The following TBC1D32 variants were observed in gnomAD, a reference collection of about 807,000 sequenced individuals.
The protein encoded by TBC1D32 is protein broad-minded.
TBC1D32 carries 151 observed loss-of-function variants against 170.3 expected under a neutral mutation model. That is an observed-to-expected ratio of 0.89 (90% CI 0.78 to 1.01). TBC1D32 has a LOEUF of 1.01. Ranked by LOEUF, TBC1D32 falls within the 50% of genes least tolerant of loss-of-function variation. The pLI, the probability that TBC1D32 is intolerant of heterozygous loss-of-function variation, is 0.00. For missense variants in TBC1D32, 1,464 were observed against 1,457.1 expected, an observed-to-expected ratio of 1.00 and a Z score of -0.08; for synonymous variants, 498 against 488.0, an observed-to-expected ratio of 1.02 and a Z score of -0.27.
intron 22 of TBC1D32, among the ~76,000 whole-genome samples, chr6:121,203,508 C>G (rs115432481): frequency 0.011 from 1,600 of 151,328 alleles, 120 homozygotes; most frequent in African/African-American, 0.038. Flanking sequence ...CAGCATAGAT[C>G]AAGTAGATAT....
chr6:121,302,697 T>C (rs186942909), intron 9 of TBC1D32, among the ~76,000 whole-genome samples: 6 of 152,240 alleles, frequency 3.9e-5, no homozygotes, highest in Admixed American at 3.3e-4. Context: ...CAAATAATGA[T>C]ATAATTTGAT....
At chr6:121,246,264 C>T (rs1438703344) in intron 17 of TBC1D32, among the ~76,000 whole-genome samples, 1 of 152,004 alleles carries the variant, frequency 6.6e-6, no homozygotes. Context: ...AGACAGTGCA[C>T]AAAGATTCTC....
chr6:121,231,907 A>C (rs1442167776), intron 20 of TBC1D32, among the ~76,000 whole-genome samples: 9 of 152,170 alleles, frequency 5.9e-5, no homozygotes, highest in Non-Finnish European at 1.2e-4. Context: ...TGCTGGGCAG[A>C]AGCTTTTTAA....
chr6:121,160,679 T>C (rs565358563), intron 23 of TBC1D32, among the ~76,000 whole-genome samples: 41 of 152,134 alleles, frequency 2.7e-4, no homozygotes, highest in Non-Finnish European at 4.7e-4. Context: ...CAAAGGCGCA[T>C]AAGAAAAATA....
intron 5 of TBC1D32, 62 bp from the exon 6 acceptor site, chr6:121,304,895 C>T (rs1291322929): frequency 5.6e-6 from 6 of 1,070,518 alleles, no homozygotes; most frequent in East Asian, 4.8e-5. Flanking sequence ...AGAGATGAAA[C>T]ATTTTTCACA....
At chr6:121,295,289 CAAAAAAAA>C (rs60783883) in intron 10 of TBC1D32, among the ~76,000 whole-genome samples, 2 of 108,578 alleles carry the variant, frequency 1.8e-5, no homozygotes, top group African/African-American at 3.7e-5. Context: ...ATCCTAATTC[CAAAAAAAA>C]AAAAAAAAAA....
At chr6:121,159,597 G>C (rs1785350727) in intron 24 of TBC1D32, among the ~76,000 whole-genome samples, 1 of 152,076 alleles carries the variant, frequency 6.6e-6, no homozygotes. Context: ...CACAAACCTA[G>C]AGGGTATAGT....
At position 121,091,055 on chromosome 6, in the gene TBC1D32, A is replaced by T; in HGVS notation, c.3466-14T>A. The T allele has an allele frequency of 6.4e-7, 1 of 1,571,890 alleles. No homozygotes were observed. Among genetic ancestry groups the T allele is most frequent in the Non-Finnish European group, 8.6e-7 (1 of 1,167,330 alleles). On this transcript the variant is annotated splice_polypyrimidine_tract_variant and intron_variant, in intron 30 of 31. Coordinates refer to ENST00000398212, the MANE Select transcript of TBC1D32 (RefSeq NM_152730.6). ...TTGCAGGCAAATCTTTAAAAAAAAA[A>T]AGTAGTAAGTTCATTAAAAAATTTA...
At position 121,151,330 on chromosome 6, in the gene TBC1D32, C is replaced by T. The variant is rs1323167372; in HGVS notation, c.2773+8680G>A. On this transcript the variant is annotated intron_variant, in intron 24 of 31. Transcript: ENST00000398212. ...GCGGTTTTGAGTGAATTTCTTAATC[C>T]TGAGTTCTAATTTGATTGCACTGTG... 2.0e-5 allele frequency among the ~76,000 whole-genome samples: 3 copies of T among 152,138 alleles called. No homozygotes were observed. In the South Asian group the frequency reaches 6.2e-4, roughly 32 times the overall value.
At chr6:121,300,262 A>T (rs771720758) in intron 9 of TBC1D32, among the ~76,000 whole-genome samples, 4 of 152,066 alleles carry the variant, frequency 2.6e-5, no homozygotes, top group Admixed American at 1.3e-4. Flanking sequence ...GAAATGGCCA[A>T]TATGGTGAAA....
intron 17 of TBC1D32, 43 bp downstream of exon 17, chr6:121,255,285 C>T (rs1446783965): frequency 1.7e-6 from 2 of 1,192,342 alleles, no homozygotes; most frequent in South Asian, 1.6e-5. Context: ...AAATTTATTT[C>T]AGCAAATATA....
chr6:121,193,963 T>C (rs1360985199), intron 22 of TBC1D32, among the ~76,000 whole-genome samples: 9 of 152,140 alleles, frequency 5.9e-5, no homozygotes, highest in African/African-American at 2.2e-4. Flanking sequence ...TCTCCCATCC[T>C]TCCCTAAAGA....
chr6:121,106,115 A>T lies in TBC1D32; in HGVS notation c.3373T>A (p.Phe1125Ile). Reference sequence around the variant, plus strand: ...ATTTCAATATAATGGGTGCTGCAAAAATATACTGGATGGATGCCAGATTCT... The same window carrying T: ...ATTTCAATATAATGGGTGCTGCAAATATATACTGGATGGATGCCAGATTCT... ...TVESGIHPVY[F>I]CSTHYIEMLL... The change falls in exon 30 of 32, where the codon TTT (phenylalanine) becomes ATT (isoleucine). Residue 1125 changes from phenylalanine (F) to isoleucine (I), a missense_variant. Phe to Ile is a conservative substitution (Grantham distance 21). Coordinates refer to ENST00000398212, the MANE Select transcript of TBC1D32 (RefSeq NM_152730.6). The T allele has an allele frequency of 6.2e-7, 1 of 1,603,464 alleles. No individual in the cohort carries two copies. The highest frequency in any genetic ancestry group is 8.5e-7 in the Non-Finnish European group (1 of 1,172,888).
At chr6:121,154,168 G>A (rs1784567585) in intron 24 of TBC1D32, among the ~76,000 whole-genome samples, 1 of 152,158 alleles carries the variant, frequency 6.6e-6, no homozygotes, top group Non-Finnish European at 1.5e-5. Flanking sequence ...GAAGATGGTG[G>A]GAAAAGCGTA....
At chr6:121,085,258 C>CATATAT (rs1776087998) in intron 31 of TBC1D32, among the ~76,000 whole-genome samples, 1 of 145,494 alleles carries the variant, frequency 6.9e-6, no homozygotes, top group African/African-American at 2.5e-5. Context: ...TATATATATA[C>CATATAT]ACATATATAC....
chr6:121,194,114 C>T (rs2088834), intron 22 of TBC1D32, among the ~76,000 whole-genome samples: 6,047 of 152,212 alleles, frequency 0.04, 347 homozygotes, highest in African/African-American at 0.12. Context: ...CACTGTGGTA[C>T]TCCAGTTGAA....
At chr6:121,184,486 A>G (rs1788920393) in intron 22 of TBC1D32, among the ~76,000 whole-genome samples, 1 of 151,896 alleles carries the variant, frequency 6.6e-6, no homozygotes. Context: ...GCCTCTTCCA[A>G]TTTTGGAAGC....
intron 21 of TBC1D32, among the ~76,000 whole-genome samples, chr6:121,218,121 T>G (rs1794057704): frequency 6.6e-6 from 1 of 152,152 alleles, no homozygotes; most frequent in Non-Finnish European, 1.5e-5. Context: ...TGTCAGTGTG[T>G]AACTGAAGCC....
At chr6:121,324,373 C>T (rs1284749483) in intron 1 of TBC1D32, among the ~76,000 whole-genome samples, 1 of 151,900 alleles carries the variant, frequency 6.6e-6, no homozygotes, top group Admixed American at 6.5e-5. Flanking sequence ...ATTGAATTTT[C>T]TTTAAAATGT....
Sources: gnomAD v4.1 joint callset for allele counts (sites outside exome capture counted in the v4.1 genomes callset) on GRCh38, gnomAD v4.1.1 for gene constraint, MANE v1.5 for transcripts, NCBI Gene and HGNC (gene_info 2026-07-23, HGNC 2026-07-21) for gene names.